SPTBN2: variants seen among roughly 807,000 people sequenced by gnomAD.
SPTBN2 encodes the protein spectrin beta, non-erythrocytic 2.
Under a neutral mutation model 284.2 loss-of-function variants are expected in SPTBN2, and 107 were observed. The observed-to-expected ratio is 0.38, with a 90% CI of 0.32 to 0.44. The LOEUF (loss-of-function observed/expected upper bound fraction) is 0.44, where lower values mean the gene tolerates loss of function less well. Among genes scored for constraint, SPTBN2 ranks in the 20% least tolerant of loss-of-function variants. The probability of loss-of-function intolerance (pLI) is 1.00; values close to 1 mark genes in which losing one functional copy is unlikely to be tolerated. For missense variants in SPTBN2, 2,569 were observed against 3,287.1 expected (o/e 0.78, Z 5.34); for synonymous variants, 1,289 against 1,354.8 (o/e 0.95, Z 1.07).
intron 1 of SPTBN2, among the ~76,000 whole-genome samples, chr11:66,736,944 A>C (rs1475119119): frequency 6.6e-6 from 1 of 152,230 alleles, no homozygotes; most frequent in Non-Finnish European, 1.5e-5. Flanking sequence ...ATTCTGGTTC[A>C]TCTTTTTCTA....
rs545974469 is a variant in SPTBN2, at chr11:66,684,534, C to G, written c.*1337G>C. ...CCTGTGGTTCAGGCTACTCGGGAGG[C>G]TGAGGTGGGAGGATTGCTTGAACCC... On this transcript the variant is annotated 3_prime_UTR_variant, in exon 38 of 38. Coordinates refer to ENST00000533211, the MANE Select transcript of SPTBN2 (RefSeq NM_006946.4). Among the ~76,000 whole-genome samples the G allele has an allele frequency of 1.3e-5, 2 of 150,744 alleles. No individual in the cohort carries two copies. Among genetic ancestry groups the G allele is most frequent in the South Asian group, 4.2e-4 (2 of 4,802 alleles).
At chr11:66,723,157 C>T (rs928890523) in intron 1 of SPTBN2, among the ~76,000 whole-genome samples, 4 of 151,832 alleles carry the variant, frequency 2.6e-5, no homozygotes, top group South Asian at 4.2e-4. Flanking sequence ...CGCAAACACA[C>T]TCTGTCCTCA....
At chr11:66,692,437 A>G in intron 26 of SPTBN2, 99 bp downstream of exon 26, 2 of 1,438,190 alleles carry the variant, frequency 1.4e-6, no homozygotes, top group East Asian at 2.3e-5. Flanking sequence ...CTTGCCCCTT[A>G]GCCCCTCAGT....
rs1411227679 is a variant in SPTBN2, at chr11:66,693,694, C to T, written c.4593+78G>A. 7 of 1,428,628 alleles carry T rather than the reference C, an allele frequency of 4.9e-6. No individual in the cohort carries two copies. The East Asian group carries it at 9.8e-5, about 20-fold the overall frequency. 88.5% of individuals were successfully genotyped at this position (1,428,628 alleles called of 1,614,324 possible). A position where few individuals can be genotyped will look rare whatever the true frequency, so the allele number is the denominator to read the frequency against. ...GGGTTACACTCAGCATCGAGGGGGG[C>T]CTGGTCTTAAGAAAAAACACGTCCA... On this transcript the variant is annotated intron_variant, in intron 23 of 37. Transcript: ENST00000533211. This position sits in a 1 kb window ranked among gnomAD's most constrained non-coding sequence, Gnocchi z 5.7.
At position 66,707,699 on chromosome 11, in the gene SPTBN2, C is replaced by G. The variant is rs1357311720; in HGVS notation, c.1470G>C (p.Glu490Asp). ...TGTCGTGGTAGCGCTCGGCGGCCAG[C>G]TCTGCAGCCACGGCGTCCACTGCCT... ...RVQAVDAVAAELAAERYHDIK... is the reference protein window; with the variant it reads ...RVQAVDAVAADLAAERYHDIK... Residue 490 changes from glutamate to aspartate, a missense_variant, in exon 13 of 38, where the codon GAG becomes GAC. By Grantham distance (45) the Glu-to-Asp change is conservative. Transcript: ENST00000533211. The surrounding 1 kb of genome is among the most constrained non-coding windows in gnomAD (Gnocchi z 4.9). The G allele has an allele frequency of 6.2e-7, 1 of 1,605,234 alleles. No individual in the cohort carries two copies. Among genetic ancestry groups the G allele is most frequent in the Non-Finnish European group, 8.5e-7 (1 of 1,179,098 alleles).
In SPTBN2 at chr11:66,707,747, G is replaced by A. The variant is rs201394078; in HGVS notation, c.1422C>T (p.Ile474=). The A allele has an allele frequency of 3.5e-5, 56 of 1,607,022 alleles. No individual in the cohort carries two copies. The highest frequency in any genetic ancestry group is 1.1e-4 in the East Asian group (5 of 44,800). ...VRKHEAIETD[I]VAYSGRVQAV... ...CCTGCACCCGGCCGCTGTAGGCCAC[G>A]ATGTCCGTCTCAATGGCTTCGTGCT... Residue 474 remains isoleucine, a synonymous_variant, in exon 13 of 38, where the codon ATC becomes ATT. Transcript: ENST00000533211. This position sits in a 1 kb window ranked among gnomAD's most constrained non-coding sequence, Gnocchi z 4.9.
In SPTBN2 at chr11:66,721,442, T is replaced by C. The variant is rs1942398830; in HGVS notation, c.-113-2A>G. ...AAGAGGGGAAGCCACCTGGGAAGCC[T>C]GGGGACGGGAATACATCAGAAGCAC... is the stretch of plus-strand genomic sequence containing the variant. On this transcript the variant is annotated splice_acceptor_variant, in intron 1 of 37. Coordinates refer to ENST00000533211, the MANE Select transcript of SPTBN2 (RefSeq NM_006946.4). LOFTEE classifies it low-confidence loss of function (5UTR_SPLICE). 1.5e-6 allele frequency: 1 copy of C among 674,500 alleles called. No individual in the cohort carries two copies. Among genetic ancestry groups the C allele is most frequent in the Admixed American group, 2.2e-5 (1 of 45,364 alleles). The allele number at this position is 674,500 out of a possible 1,614,324, so 41.8% of individuals were successfully genotyped here.
intron 1 of SPTBN2, among the ~76,000 whole-genome samples, chr11:66,737,259 G>T (rs987065239): frequency 2.0e-5 from 3 of 152,226 alleles, no homozygotes; most frequent in Non-Finnish European, 2.9e-5. Context: ...GTTTATGAAA[G>T]AACTGATAAC....
intron 1 of SPTBN2, among the ~76,000 whole-genome samples, chr11:66,735,751 A>G (rs1942847481): frequency 6.6e-6 from 1 of 152,190 alleles, no homozygotes; most frequent in Non-Finnish European, 1.5e-5. Context: ...CAACGATTGC[A>G]TTATTTATTT....
chr11:66,739,035 G>A (rs1438391896), intron 1 of SPTBN2, among the ~76,000 whole-genome samples: 1 of 151,236 alleles, frequency 6.6e-6, no homozygotes, highest in Non-Finnish European at 1.5e-5. Flanking sequence ...TTGGGCTCCC[G>A]AGCTCAAGCG....
chr11:66,704,851 G>C lies in SPTBN2; in HGVS notation c.2425C>G (p.Gln809Glu). 2 of 1,609,522 alleles carry C rather than the reference G, an allele frequency of 1.2e-6. No homozygotes were observed. Among genetic ancestry groups the C allele is most frequent in the Non-Finnish European group, 1.7e-6 (2 of 1,179,846 alleles). ...AGTGTGGGGGGCAGGGCTGCTGCCTGTTCCCTCAAGGCGTCCAGGGTTGGC... is the reference window on the plus strand; with the variant it reads ...AGTGTGGGGGGCAGGGCTGCTGCCTCTTCCCTCAAGGCGTCCAGGGTTGGC... ...HRPTLDALRE[Q>E]AAALPPTLSR... Residue 809 changes from glutamine (Q) to glutamate (E), a missense_variant, in exon 15 of 38, where the codon CAG becomes GAG. Transcript: ENST00000533211.
In SPTBN2 at chr11:66,700,663, G is replaced by A. The variant is rs1409874116; in HGVS notation, c.3436C>T (p.Arg1146Ter). 1.2e-6 allele frequency: 2 copies of A among 1,607,228 alleles called. No homozygotes were observed. The highest frequency in any genetic ancestry group is 2.2e-5 in the East Asian group (1 of 44,874). ...ADPQCLFLRQ[R>*]LEALGTGWEE... Reference sequence around the variant, plus strand: ...CAGCCAGTTCCCAGGGCCTCCAGTCGCTGTCGTAGGAAGAGGCACTGGGGG... The same window carrying A: ...CAGCCAGTTCCCAGGGCCTCCAGTCACTGTCGTAGGAAGAGGCACTGGGGG... Residue 1146 changes from arginine to a stop codon, truncating the protein, a stop_gained, in exon 17 of 38, where the codon CGA becomes TGA. Coordinates refer to ENST00000533211, the MANE Select transcript of SPTBN2 (RefSeq NM_006946.4). LOFTEE classifies it high-confidence loss of function. The surrounding 1 kb of genome is among the most constrained non-coding windows in gnomAD (Gnocchi z 6.6).
intron 29 of SPTBN2, chr11:66,689,490 C>T (rs948091519): frequency 7.4e-6 from 4 of 537,698 alleles, no homozygotes; most frequent in Non-Finnish European, 1.3e-5. Context: ...CATCACAGCC[C>T]AGCCACACAA....
intron 29 of SPTBN2, 95 bp downstream of exon 29, chr11:66,689,710 T>C (rs1399538668): frequency 5.7e-6 from 9 of 1,574,638 alleles, no homozygotes; most frequent in Non-Finnish European, 6.9e-6. Context: ...AAAGGTTTCT[T>C]GCAAAGAGAG....
Position 66,713,740 on chromosome 11 carries a change from G to A in SPTBN2, c.663C>T (p.Asp221=), listed in dbSNP as rs376657706. ...TCTTCAGAGACTCAAAATCCAGCAG[G>A]TCTGGCCTGGGTGGGGAGGCAAGAC... ...FNAIVHKHRP[D]LLDFESLKKC... is the part of the protein sequence containing the mutation. Residue 221 remains aspartate (D), a synonymous_variant, in exon 8 of 38, where the codon GAC becomes GAT. Transcript: ENST00000533211. 3.1e-6 allele frequency: 5 copies of A among 1,613,256 alleles called. No individual in the cohort carries two copies. The highest frequency in any genetic ancestry group is 4.2e-6 in the Non-Finnish European group (5 of 1,179,282).
In SPTBN2 at chr11:66,714,450, C is replaced by T. The variant is rs1266859814; in HGVS notation, c.484-43G>A. On this transcript the variant is annotated intron_variant, in intron 5 of 37. Transcript: ENST00000533211. ...AGGGCCCTCAGTCCCTGGACAGGAA[C>T]TCCTGGTGTTATCAGAGATGCTCAG... The T allele has an allele frequency of 2.0e-6, 3 of 1,516,686 alleles. No homozygotes were observed. In the African/African-American group the frequency reaches 4.1e-5, roughly 21 times the overall value. 94.0% of individuals were successfully genotyped at this position (1,516,686 alleles called of 1,614,324 possible). A position where few individuals can be genotyped will look rare whatever the true frequency, so the allele number is the denominator to read the frequency against.
chr11:66,692,359 G>A (rs1443532805), intron 26 of SPTBN2, among the ~76,000 whole-genome samples, 177 bp downstream of exon 26: 1 of 152,170 alleles, frequency 6.6e-6, no homozygotes, highest in African/African-American at 2.4e-5. Context: ...TTACAGGTGT[G>A]AGCCTATGCC....
rs1414151157 is a variant in SPTBN2 at position 66,710,233 on chromosome 11, C to T, written c.1073+349G>A. On this transcript the variant is annotated intron_variant, in intron 10 of 37. Coordinates refer to ENST00000533211, the MANE Select transcript of SPTBN2 (RefSeq NM_006946.4). The surrounding 1 kb of genome is among the most constrained non-coding windows in gnomAD (Gnocchi z 4.9). ...AATTTTTTTGTAATTTTAGTGGAGA[C>T]GGGGTTTCACCATGTTGGCCAGGCT... Among the ~76,000 whole-genome samples, 1 of 150,716 alleles carries T rather than the reference C, an allele frequency of 6.6e-6. No individual in the cohort carries two copies. Among genetic ancestry groups the T allele is most frequent in the East Asian group, 2.0e-4 (1 of 5,122 alleles).
At position 66,704,645 on chromosome 11, in the gene SPTBN2, C is replaced by G. The variant is rs77593272; in HGVS notation, c.2631G>C (p.Gly877=). The G allele has an allele frequency of 1.3e-4, 206 of 1,612,054 alleles. 1 individual carries two copies. The African/African-American group carries it at 2.6e-3, about 20-fold the overall frequency. The change falls in exon 15 of 38, where the codon GGG becomes GGC. Residue 877 remains glycine (G), a synonymous_variant. Transcript: ENST00000533211. ...WVEEKEQWLN[G]LALPERLEDL... Reference sequence around the variant, plus strand: ...CCTCCAGGCGTTCAGGCAGGGCCAGCCCGTTGAGCCACTGCTCCTTCTCCT... The same window carrying G: ...CCTCCAGGCGTTCAGGCAGGGCCAGGCCGTTGAGCCACTGCTCCTTCTCCT...
Sources: allele counts gnomAD v4.1 joint callset (sites outside exome capture counted in the v4.1 genomes callset), GRCh38; gene constraint gnomAD v4.1.1; non-coding constraint Gnocchi (gnomAD v3.1); transcripts MANE v1.5; gene names NCBI Gene and HGNC (gene_info 2026-07-23, HGNC 2026-07-21).